TUBB6: variants seen among roughly 807,000 people sequenced by gnomAD.
TUBB6 encodes tubulin beta-6 chain.
A neutral mutation model predicts 32.3 loss-of-function variants in TUBB6; 18 were observed. The ratio of observed to expected loss-of-function variants is 0.56; its 90% CI spans 0.39 to 0.83. TUBB6 has a LOEUF of 0.83. Among genes scored for constraint, TUBB6 ranks in the 40% least tolerant of loss-of-function variants. The pLI is 0.00. For missense variants in TUBB6, 480 were observed against 632.0 expected, an observed-to-expected ratio of 0.76 and a Z score of 2.58; for synonymous variants, 280 against 265.8, an observed-to-expected ratio of 1.05 and a Z score of -0.52.
chr18:12,317,070 C>G (rs950832234), intron 3 of TUBB6, among the ~76,000 whole-genome samples: 53 of 151,248 alleles, frequency 3.5e-4, no homozygotes, highest in Admixed American at 1.6e-3. Flanking sequence ...GCAGGAGAAT[C>G]ACTGGAACCT....
intron 3 of TUBB6, among the ~76,000 whole-genome samples, chr18:12,323,198 G>A (rs1408225170): frequency 6.6e-6 from 1 of 152,180 alleles, no homozygotes; most frequent in Non-Finnish European, 1.5e-5. Flanking sequence ...CTGGGTGACA[G>A]AGCGAGACCT....
chr18:12,326,646 C>T (rs1907348798), downstream of TUBB6: 1 of 158,408 alleles, frequency 6.3e-6, no homozygotes, highest in Admixed American at 6.0e-5. Flanking sequence ...TGGTCTCTCC[C>T]TGGGGTGAAC....
At chr18:12,313,821 A>G (rs916119793) in intron 3 of TUBB6, among the ~76,000 whole-genome samples, 2 of 152,200 alleles carry the variant, frequency 1.3e-5, no homozygotes, top group African/African-American at 2.4e-5. Context: ...ATGCTCACAC[A>G]TAGAGATTGC....
intron 2 of TUBB6, among the ~76,000 whole-genome samples, chr18:12,310,423 G>A (rs1906306464): frequency 6.7e-6 from 1 of 149,268 alleles, no homozygotes; most frequent in Non-Finnish European, 1.5e-5. Context: ...CCCAGGAGGC[G>A]GAGCTTGCAG....
At chr18:12,309,351 A>G (rs1420432014) in intron 2 of TUBB6, among the ~76,000 whole-genome samples, 2 of 146,956 alleles carry the variant, frequency 1.4e-5, no homozygotes, top group Admixed American at 1.4e-4. Flanking sequence ...AGACCCTGTT[A>G]GAATAAATTA....
chr18:12,312,133 T>G (rs1866327703), intron 3 of TUBB6, among the ~76,000 whole-genome samples: 1 of 152,082 alleles, frequency 6.6e-6, no homozygotes, highest in Admixed American at 6.5e-5. Flanking sequence ...TAACAGACAA[T>G]CCCATTATCC....
chr18:12,308,444 T>C (rs1906129430), intron 1 of TUBB6, 95 bp downstream of exon 1: 7 of 1,039,670 alleles, frequency 6.7e-6, no homozygotes, highest in African/African-American at 1.7e-5. Context: ...GCACCCGCTG[T>C]GCGCCCCTGG....
At chr18:12,313,824 G>A (rs1046434391) in intron 3 of TUBB6, among the ~76,000 whole-genome samples, 2 of 152,204 alleles carry the variant, frequency 1.3e-5, no homozygotes, top group African/African-American at 4.8e-5. Context: ...CTCACACATA[G>A]AGATTGCAGA....
At chr18:12,314,178 G>A (rs553053189) in intron 3 of TUBB6, among the ~76,000 whole-genome samples, 8 of 152,164 alleles carry the variant, frequency 5.3e-5, no homozygotes, top group East Asian at 3.9e-4. Context: ...CTCTGTGCCC[G>A]CTGGCAGCAT....
Position 12,308,340 on chromosome 18 carries a change from C to T in TUBB6, c.48C>T (p.Ile16=). 1 of 1,478,786 alleles carries T rather than the reference C, an allele frequency of 6.8e-7. No homozygotes were observed. Among genetic ancestry groups the T allele is most frequent in the Non-Finnish European group, 9.0e-7 (1 of 1,110,478 alleles). The allele number at this position is 1,478,786 out of a possible 1,614,324, so 91.6% of individuals were successfully genotyped here. ...HIQAGQCGNQ[I]GTKFWEVISD... Reference sequence around the variant, plus strand: ...AGGCGGGCCAGTGCGGGAACCAGATCGGCACCAAGGTGGGCCTGGCGCGGT... The same window carrying T: ...AGGCGGGCCAGTGCGGGAACCAGATTGGCACCAAGGTGGGCCTGGCGCGGT... The change falls in exon 1 of 4, where the codon ATC becomes ATT. Residue 16 remains isoleucine (I), a synonymous_variant. Transcript: ENST00000317702.
At chr18:12,318,527 G>A (rs1312642248) in intron 3 of TUBB6, among the ~76,000 whole-genome samples, 6 of 151,768 alleles carry the variant, frequency 4.0e-5, no homozygotes, top group Admixed American at 2.6e-4. Flanking sequence ...TGCCTAGCCC[G>A]GCCCCTCTGC....
In TUBB6 at chr18:12,308,605, G is replaced by T. The variant is rs979075123; in HGVS notation, c.58-82G>T. ...CAGGCGCGCCTGGAATTCGGCCGCC[G>T]GGGCGCCTGGGGTGGGCGCGGGTGG... On this transcript the variant is annotated intron_variant, in intron 1 of 3. Coordinates refer to ENST00000317702, the MANE Select transcript of TUBB6 (RefSeq NM_032525.3). The T allele has an allele frequency of 3.8e-4, 411 of 1,091,662 alleles. 2 individuals carry two copies. Among genetic ancestry groups the T allele is most frequent in the Middle Eastern group, 2.1e-3 (7 of 3,370 alleles). 67.6% of individuals were successfully genotyped at this position (1,091,662 alleles called of 1,614,324 possible).
At chr18:12,322,436 C>T (rs2144160232) in intron 3 of TUBB6, among the ~76,000 whole-genome samples, 1 of 151,658 alleles carries the variant, frequency 6.6e-6, no homozygotes, top group South Asian at 2.1e-4. Flanking sequence ...CTCACTGCAA[C>T]CTCCATCTTC....
In TUBB6 at chr18:12,308,805, A is replaced by C. The variant is rs781614046; in HGVS notation, c.166+10A>C. 1 of 1,554,250 alleles carries C rather than the reference A, an allele frequency of 6.4e-7. No homozygotes were observed. The highest frequency in any genetic ancestry group is 1.1e-5 in the South Asian group (1 of 89,936). On this transcript the variant is annotated intron_variant, in intron 2 of 3. Transcript: ENST00000317702. ...TACAATGAGTCATCGTGTGAGTAGCAAGGCCGCCGCGCCCTGCCCGGCCGG... is the reference window on the plus strand; with the variant it reads ...TACAATGAGTCATCGTGTGAGTAGCCAGGCCGCCGCGCCCTGCCCGGCCGG...
chr18:12,329,546 A>G, downstream of TUBB6: 1 of 1,608,540 alleles, frequency 6.2e-7, no homozygotes, highest in South Asian at 1.1e-5. Flanking sequence ...ACAGACTGAG[A>G]TGGCCTCCCT....
chr18:12,327,702 C>T (rs1286286550), downstream of TUBB6, among the ~76,000 whole-genome samples: 2 of 152,190 alleles, frequency 1.3e-5, no homozygotes, highest in Admixed American at 1.3e-4. Context: ...GCCACTTGCA[C>T]AGGTTGAGCA....
intron 2 of TUBB6, 80 bp from the exon 3 acceptor site, chr18:12,310,863 C>A: frequency 2.2e-6 from 2 of 927,572 alleles, no homozygotes; most frequent in Non-Finnish European, 3.3e-6. Context: ...GCAGCTAGAA[C>A]TGGTGGGACT....
chr18:12,325,273 C>G lies in TUBB6; in HGVS notation c.484C>G (p.Arg162Gly), dbSNP rs1430415478. Residue 162 changes from arginine to glycine, a missense_variant, in exon 4 of 4, where the codon CGC becomes GGC. Transcript: ENST00000317702. ...CAAGATCCGTGAGGAGTTCCCGGAC[C>G]GCATCATGAACACCTTCAGCGTCAT... is the stretch of plus-strand genomic sequence containing the variant. ...ISKIREEFPD[R>G]IMNTFSVMPS... is the part of the protein sequence containing the mutation. The G allele has an allele frequency of 6.2e-7, 1 of 1,614,198 alleles. No individual in the cohort carries two copies.
chr18:12,309,595 G>T (rs1344257464), intron 2 of TUBB6, among the ~76,000 whole-genome samples: 2 of 152,114 alleles, frequency 1.3e-5, no homozygotes, highest in African/African-American at 4.8e-5. Context: ...ATGACAAAAG[G>T]CTGGGAACAT....
Sources: gnomAD v4.1 joint callset for allele counts (sites outside exome capture counted in the v4.1 genomes callset) on GRCh38, gnomAD v4.1.1 for gene constraint, MANE v1.5 for transcripts, NCBI Gene and HGNC (gene_info 2026-07-23, HGNC 2026-07-21) for gene names.